TRAF3IP2: variants seen among roughly 807,000 people sequenced by gnomAD.
The protein encoded by TRAF3IP2 is E3 ubiquitin ligase TRAF3IP2.
In TRAF3IP2, 35 loss-of-function variants were observed where a neutral mutation model predicts 57.9. The ratio of observed to expected loss-of-function variants is 0.60; its 90% CI spans 0.46 to 0.80. The LOEUF (loss-of-function observed/expected upper bound fraction) is 0.80. Ranked by LOEUF, TRAF3IP2 falls within the 30% of genes least tolerant of loss-of-function variation. The pLI, the probability that TRAF3IP2 is intolerant of heterozygous loss-of-function variation, is 0.00. For missense variants in TRAF3IP2, 556 were observed against 706.4 expected, an observed-to-expected ratio of 0.79 and a Z score of 2.41; for synonymous variants, 251 against 268.9, an observed-to-expected ratio of 0.93 and a Z score of 0.65.
chr6:111,585,685 C>T (rs1195164923), intron 2 of TRAF3IP2, among the ~76,000 whole-genome samples: 2 of 152,180 alleles, frequency 1.3e-5, no homozygotes, highest in African/African-American at 4.8e-5. Context: ...GGACTTGTCC[C>T]CAATGCCTAC....
At chr6:111,561,660 A>G (rs1795446444) in intron 8 of TRAF3IP2, among the ~76,000 whole-genome samples, 1 of 152,124 alleles carries the variant, frequency 6.6e-6, no homozygotes, top group Admixed American at 6.5e-5. Context: ...GATGAGAGAA[A>G]ACTACGCAAG....
At chr6:111,603,377 A>G (rs1305397072) in intron 1 of TRAF3IP2, among the ~76,000 whole-genome samples, 1 of 152,210 alleles carries the variant, frequency 6.6e-6, no homozygotes, top group Non-Finnish European at 1.5e-5. Context: ...AGGAAATGTG[A>G]TCAAACATTA....
chr6:111,577,901 T>C (rs1796039824), intron 3 of TRAF3IP2, among the ~76,000 whole-genome samples: 1 of 151,856 alleles, frequency 6.6e-6, no homozygotes, highest in Non-Finnish European at 1.5e-5. Context: ...TTTGTAGAGA[T>C]GGGTTTTCGC....
chr6:111,573,620 G>A (rs1795896053), intron 4 of TRAF3IP2: 1 of 152,666 alleles, frequency 6.6e-6, no homozygotes. Context: ...CACTGCCTCT[G>A]GGCAGTCCAA....
At position 111,556,690 on chromosome 6, in the gene TRAF3IP2, AT is replaced by A. The variant is rs879759302; in HGVS notation, c.*2714del. ...ATGCTAGTTTTTCTTCTCTTTTCCTATTTTTTAAAGAACAAAGACATTCGTC... is the reference window on the plus strand; with the variant it reads ...ATGCTAGTTTTTCTTCTCTTTTCCTATTTTTAAAGAACAAAGACATTCGTC... On this transcript the variant is annotated 3_prime_UTR_variant, in exon 9 of 9. Coordinates refer to ENST00000368761, the MANE Select transcript of TRAF3IP2 (RefSeq NM_147686.4). 2 of 152,174 alleles carry A rather than the reference AT, an allele frequency of 1.3e-5. No individual in the cohort carries two copies. Among genetic ancestry groups the A allele is most frequent in the Non-Finnish European group, 2.9e-5 (2 of 68,018 alleles). The allele number at this position is 152,174 out of a possible 1,614,324, so 9.4% of individuals were successfully genotyped here.
At position 111,589,662 on chromosome 6, in the gene TRAF3IP2, C is replaced by T. The variant is rs372633979; in HGVS notation, c.829+1596G>A. 2.2e-4 allele frequency among the ~76,000 whole-genome samples: 33 copies of T among 152,264 alleles called. 1 individual carries two copies. The highest frequency in any genetic ancestry group is 7.9e-4 in the African/African-American group (33 of 41,560). On this transcript the variant is annotated intron_variant, in intron 2 of 8. Coordinates refer to ENST00000368761, the MANE Select transcript of TRAF3IP2 (RefSeq NM_147686.4). ...TCTTTCTCCCGCTCCAGCCCAAGGC[C>T]CCATTCTCCTTACACCCTCCTGCTT...
intron 1 of TRAF3IP2, chr6:111,598,058 G>C (rs1187195040): frequency 1.3e-5 from 5 of 372,088 alleles, no homozygotes; most frequent in African/African-American, 1.1e-4. Flanking sequence ...AGCAAATCCT[G>C]GGGGGAGAGC....
At chr6:111,567,281 A>G (rs1292645178) in intron 6 of TRAF3IP2, 13 of 1,042,592 alleles carry the variant, frequency 1.2e-5, no homozygotes, top group African/African-American at 3.4e-5. Context: ...CAATTCTACA[A>G]AACACTTGGG....
At position 111,591,909 on chromosome 6, in the gene TRAF3IP2, A is replaced by T; in HGVS notation, c.178T>A (p.Phe60Ile). 6.2e-7 allele frequency: 1 copy of T among 1,614,214 alleles called. No individual in the cohort carries two copies. Among genetic ancestry groups the T allele is most frequent in the Non-Finnish European group, 8.5e-7 (1 of 1,180,040 alleles). ...PTMLHNSSGDFSQAHSTLKLA... is the reference protein window; with the variant it reads ...PTMLHNSSGDISQAHSTLKLA... The stretch of plus-strand genomic sequence containing the variant: ...TTCAGGGTTGAGTGAGCTTGAGAAA[A>T]GTCTCCGGAGGAATTGTGAAGCATT... The change falls in exon 2 of 9, where the codon TTT becomes ATT. Residue 60 changes from phenylalanine to isoleucine, a missense_variant. Coordinates refer to ENST00000368761, the MANE Select transcript of TRAF3IP2 (RefSeq NM_147686.4). The surrounding 1 kb of genome is among the most constrained non-coding windows in gnomAD (Gnocchi z 4.9).
chr6:111,574,247 C>T (rs1233056842), intron 4 of TRAF3IP2, among the ~76,000 whole-genome samples: 1 of 152,194 alleles, frequency 6.6e-6, no homozygotes, highest in Non-Finnish European at 1.5e-5. Flanking sequence ...GACTAAACAG[C>T]ACAGATCCCC....
rs1795267123 is a variant in TRAF3IP2 at position 111,557,185 on chromosome 6, T to C, written c.*2220A>G. On this transcript the variant is annotated 3_prime_UTR_variant, in exon 9 of 9. Coordinates refer to ENST00000368761, the MANE Select transcript of TRAF3IP2 (RefSeq NM_147686.4). The stretch of plus-strand genomic sequence containing the variant: ...TCTTGTAGCACAAGTGAGCCTTGTT[T>C]AAGAGGCTAGTAGATAAAGAAGGGA... 1 of 152,020 alleles carries C rather than the reference T, an allele frequency of 6.6e-6. No individual in the cohort carries two copies. Among genetic ancestry groups the C allele is most frequent in the Admixed American group, 6.6e-5 (1 of 15,264 alleles). The allele number at this position is 152,020 out of a possible 1,614,324, so 9.4% of individuals were successfully genotyped here. A position where few individuals can be genotyped will look rare whatever the true frequency, so the allele number is the denominator to read the frequency against.
intron 1 of TRAF3IP2, among the ~76,000 whole-genome samples, chr6:111,596,791 G>C (rs1259964701): frequency 1.3e-5 from 2 of 151,524 alleles, no homozygotes; most frequent in Non-Finnish European, 2.9e-5. Context: ...TAGAGATGAG[G>C]TCTCACTATG....
intron 1 of TRAF3IP2, chr6:111,597,815 C>A (rs1463084567): frequency 2.2e-6 from 1 of 455,544 alleles, no homozygotes; most frequent in Admixed American, 2.4e-5. Context: ...ACCCATTTTT[C>A]TGTTTTTCCT....
intron 1 of TRAF3IP2, chr6:111,594,445 G>A (rs1354637532): frequency 6.0e-5 from 26 of 430,236 alleles, no homozygotes; most frequent in Admixed American, 1.1e-4. Flanking sequence ...GGGTTTTCCA[G>A]TGTGAGTACC....
In TRAF3IP2 at chr6:111,580,350, A is replaced by C. The variant is rs200074354; in HGVS notation, c.869T>G (p.Ile290Ser). ...DYPRAAYQQV[I>S]QPALPGQPLP... Reference sequence around the variant, plus strand: ...GGGCTGCCCAGGCAGAGCCGGCTGGATCACTTGCTGGTAGGCTGCTCGAGG... The same window carrying C: ...GGGCTGCCCAGGCAGAGCCGGCTGGCTCACTTGCTGGTAGGCTGCTCGAGG... The change falls in exon 3 of 9, where the codon ATC becomes AGC. Residue 290 changes from isoleucine to serine, a missense_variant. Around this residue, in one of 2 missense-constraint regions of TRAF3IP2, gnomAD observed 428 missense variants for 498.7 expected, o/e 0.86. Coordinates refer to ENST00000368761, the MANE Select transcript of TRAF3IP2 (RefSeq NM_147686.4). 2.6e-5 allele frequency: 41 copies of C among 1,589,884 alleles called. No homozygotes were observed. Among genetic ancestry groups the C allele is most frequent in the Middle Eastern group, 1.7e-4 (1 of 5,786 alleles).
At chr6:111,574,089 G>A (rs542970461) in intron 4 of TRAF3IP2, 1 of 152,268 alleles carries the variant, frequency 6.6e-6, no homozygotes, top group South Asian at 2.1e-4. Context: ...ATTGATATCA[G>A]GACTATAATG....
chr6:111,566,680 C>T, intron 6 of TRAF3IP2, 120 bp from the exon 7 acceptor site: 3 of 875,740 alleles, frequency 3.4e-6, no homozygotes, highest in East Asian at 2.4e-5. Flanking sequence ...GCACTGGCCC[C>T]CACTCAGGCA....
intron 1 of TRAF3IP2, among the ~76,000 whole-genome samples, chr6:111,592,972 C>A (rs146449031): frequency 6.6e-6 from 1 of 152,172 alleles, no homozygotes; most frequent in Admixed American, 6.5e-5. Context: ...ATTTATCCAA[C>A]GGGCCGGGCA....
rs1002083031 is a variant in TRAF3IP2, at chr6:111,598,593, G to A, written c.-8-6499C>T. Among the ~76,000 whole-genome samples, 4 of 152,180 alleles carry A rather than the reference G, an allele frequency of 2.6e-5. No individual in the cohort carries two copies. The East Asian group carries it at 7.7e-4, about 29-fold the overall frequency. On this transcript the variant is annotated intron_variant, in intron 1 of 8. Transcript: ENST00000368761. ...AAGAGTAGCACAGTGTGTAGGGTAT[G>A]CCATCATTTGTATGATATAAGGTCG...
Sources: allele counts gnomAD v4.1 joint callset (sites outside exome capture counted in the v4.1 genomes callset), GRCh38; gene constraint gnomAD v4.1.1; regional missense constraint gnomAD v4.1.1; non-coding constraint Gnocchi (gnomAD v3.1); transcripts MANE v1.5; gene names NCBI Gene and HGNC (gene_info 2026-07-23, HGNC 2026-07-21).